Variants in SPMIP2 observed in about 807,000 individuals in gnomAD.
SPMIP2 encodes sperm microtubule inner protein 2.
the SPMIP2 span, among the ~76,000 whole-genome samples, chr4:158,975,159 T>A: frequency 1.1e-5 from 1 of 88,752 alleles, no homozygotes; most frequent in Non-Finnish European, 2.5e-5. Flanking sequence ...GGGTTGTTTT[T>A]TTCTTGTGAC....
chr4:159,049,917 T>A, the SPMIP2 span, among the ~76,000 whole-genome samples: 1 of 152,152 alleles, frequency 6.6e-6, no homozygotes, highest in Non-Finnish European at 1.5e-5. Flanking sequence ...GAGAAAAAAA[T>A]TTGGTACTGG....
At chr4:158,984,232 A>AATG in the SPMIP2 span, among the ~76,000 whole-genome samples, 2 of 5,500 alleles carry the variant, frequency 3.6e-4, no homozygotes, top group Non-Finnish European at 6.2e-4. Flanking sequence ...ATTAGACAGA[A>AATG]AGTTAACAAG....
chr4:158,911,910 G>A, the SPMIP2 span, among the ~76,000 whole-genome samples: 2 of 152,048 alleles, frequency 1.3e-5, no homozygotes, highest in African/African-American at 2.4e-5. Context: ...AATAAATTAT[G>A]TTAAAAGTGT....
chr4:158,934,426 C>T, the SPMIP2 span, among the ~76,000 whole-genome samples: 1 of 152,122 alleles, frequency 6.6e-6, no homozygotes, highest in Non-Finnish European at 1.5e-5. Flanking sequence ...CGTGCCACTG[C>T]ACTCCAGCGT....
the SPMIP2 span, among the ~76,000 whole-genome samples, chr4:159,042,787 C>T: frequency 4.6e-5 from 7 of 152,012 alleles, no homozygotes; most frequent in African/African-American, 9.7e-5. Context: ...CTCAGCCTCC[C>T]GAGTAGCTGG....
At chr4:158,954,508 TC>T in the SPMIP2 span, among the ~76,000 whole-genome samples, 1 of 152,214 alleles carries the variant, frequency 6.6e-6, no homozygotes, top group Admixed American at 6.5e-5. Context: ...ACTGTCCCTT[TC>T]CAAACTTGTT....
chr4:158,954,301 G>T, the SPMIP2 span, among the ~76,000 whole-genome samples: 5 of 152,262 alleles, frequency 3.3e-5, no homozygotes, highest in South Asian at 8.3e-4. Flanking sequence ...TTTATCAGGG[G>T]TTTCCACTTT....
chr4:159,082,687 TG>T, the SPMIP2 span, among the ~76,000 whole-genome samples: 2 of 152,240 alleles, frequency 1.3e-5, no homozygotes, highest in Non-Finnish European at 2.9e-5. Context: ...GTAATTAATC[TG>T]ATCATAATTA....
the SPMIP2 span, chr4:159,026,091 A>G: frequency 9.2e-6 from 2 of 217,660 alleles, no homozygotes; most frequent in Non-Finnish European, 1.9e-5. Flanking sequence ...CGACCTTGCT[A>G]AGCTTGCTCC....
At chr4:158,928,874 G>A in the SPMIP2 span, among the ~76,000 whole-genome samples, 2 of 151,598 alleles carry the variant, frequency 1.3e-5, no homozygotes, top group Non-Finnish European at 2.9e-5. Flanking sequence ...CAGTCACCGC[G>A]AAGGGCTGCA....
chr4:158,967,229 T>C, the SPMIP2 span, among the ~76,000 whole-genome samples: 1 of 152,102 alleles, frequency 6.6e-6, no homozygotes, highest in Non-Finnish European at 1.5e-5. Context: ...ATGGAGAAAA[T>C]GTAACATCTG....
At chr4:158,940,307 G>A in the SPMIP2 span, among the ~76,000 whole-genome samples, 1 of 152,228 alleles carries the variant, frequency 6.6e-6, no homozygotes, top group African/African-American at 2.4e-5. Flanking sequence ...CCTCTTTAAA[G>A]GCCCTATCTC....
chr4:158,925,613 C>T, the SPMIP2 span, among the ~76,000 whole-genome samples: 2 of 152,138 alleles, frequency 1.3e-5, no homozygotes, highest in African/African-American at 2.4e-5. Flanking sequence ...CCCTCACATG[C>T]GCAGTTCACA....
At chr4:158,983,022 C>T in the SPMIP2 span, among the ~76,000 whole-genome samples, 2 of 152,158 alleles carry the variant, frequency 1.3e-5, no homozygotes, top group East Asian at 1.9e-4. Flanking sequence ...ATGCAGAAGC[C>T]TCAGGAGCCG....
the SPMIP2 span, among the ~76,000 whole-genome samples, chr4:159,060,592 A>T: frequency 3.3e-5 from 5 of 152,330 alleles, no homozygotes; most frequent in African/African-American, 1.2e-4. Flanking sequence ...ATTTTCTGAT[A>T]GTTGTAGGTT....
chr4:158,929,891 T>G, the SPMIP2 span, among the ~76,000 whole-genome samples: 1 of 152,200 alleles, frequency 6.6e-6, no homozygotes, highest in Non-Finnish European at 1.5e-5. Context: ...TTTCTTCATG[T>G]GGATTTGAGT....
chr4:158,967,112 A>G, the SPMIP2 span, among the ~76,000 whole-genome samples: 2 of 152,232 alleles, frequency 1.3e-5, no homozygotes, highest in African/African-American at 4.8e-5. Flanking sequence ...AAAAGGAAGC[A>G]TCAAACATAA....
chr4:159,047,665 G>A, the SPMIP2 span, among the ~76,000 whole-genome samples: 1 of 152,164 alleles, frequency 6.6e-6, no homozygotes, highest in Non-Finnish European at 1.5e-5. Flanking sequence ...AAACCCCAGC[G>A]AAGTAGTATT....
the SPMIP2 span, among the ~76,000 whole-genome samples, chr4:159,014,413 AC>A: frequency 5.9e-5 from 9 of 152,178 alleles, no homozygotes; most frequent in Non-Finnish European, 1.3e-4. Flanking sequence ...AGGTCGCACC[AC>A]CGCACTCCAG....
Sources: allele counts gnomAD v4.1 joint callset (sites outside exome capture counted in the v4.1 genomes callset), GRCh38; gene constraint gnomAD v4.1.1; transcripts MANE v1.5; gene names NCBI Gene and HGNC (gene_info 2026-07-23, HGNC 2026-07-21).